The following EPHA6 variants were observed in gnomAD, a reference collection of about 807,000 sequenced individuals.
The protein encoded by EPHA6 is EPH receptor A6.
In EPHA6, 50 loss-of-function variants were observed where a neutral mutation model predicts 112.0. The ratio of observed to expected loss-of-function variants is 0.45; its 90% CI spans 0.36 to 0.56. The LOEUF (loss-of-function observed/expected upper bound fraction) is 0.56. Ranked by LOEUF, EPHA6 falls within the 20% of genes least tolerant of loss-of-function variation. The pLI, the probability that EPHA6 is intolerant of heterozygous loss-of-function variation, is 0.00. For missense variants in EPHA6, 1,280 were observed against 1,417.4 expected (o/e 0.90, Z 1.56); for synonymous variants, 529 against 490.7 (o/e 1.08, Z -1.03).
At chr3:96,837,621 A>G (rs1405508408) in intron 1 of EPHA6, among the ~76,000 whole-genome samples, 6 of 152,080 alleles carry the variant, frequency 3.9e-5, no homozygotes, top group Non-Finnish European at 1.5e-5. Flanking sequence ...ATAATATCTT[A>G]CTTTTGGACC....
At chr3:97,334,295 C>T (rs1407467123) in intron 5 of EPHA6, among the ~76,000 whole-genome samples, 1 of 151,290 alleles carries the variant, frequency 6.6e-6, no homozygotes, top group Non-Finnish European at 1.5e-5. Context: ...TAATGCTGAC[C>T]TCAATAAATG....
chr3:97,059,779 A>G (rs908776001), intron 3 of EPHA6, among the ~76,000 whole-genome samples: 2 of 151,618 alleles, frequency 1.3e-5, no homozygotes, highest in Non-Finnish European at 2.9e-5. Flanking sequence ...TAATTATTCA[A>G]ATGTATTTCT....
intron 7 of EPHA6, among the ~76,000 whole-genome samples, chr3:97,453,677 T>A (rs1661802784): frequency 6.6e-6 from 1 of 151,768 alleles, no homozygotes; most frequent in Non-Finnish European, 1.5e-5. Context: ...AAAAGTGGTA[T>A]GTAGATACAA....
At chr3:97,013,840 G>C (rs1430704273) in intron 3 of EPHA6, among the ~76,000 whole-genome samples, 1 of 152,072 alleles carries the variant, frequency 6.6e-6, no homozygotes. Flanking sequence ...TTCAAATTAT[G>C]AAGCATGTTT....
intron 5 of EPHA6, among the ~76,000 whole-genome samples, chr3:97,340,534 A>G (rs990274926): frequency 6.6e-5 from 10 of 152,332 alleles, no homozygotes; most frequent in Admixed American, 4.6e-4. Context: ...AGCCAAGTCC[A>G]AAGCTGAGAA....
intron 6 of EPHA6, among the ~76,000 whole-genome samples, chr3:97,440,676 A>G (rs368425269): frequency 6.6e-6 from 1 of 151,538 alleles, no homozygotes; most frequent in Non-Finnish European, 1.5e-5. Context: ...AGATCCTCAC[A>G]TATCTAAAAC....
At chr3:96,953,503 A>C (rs966438591) in intron 2 of EPHA6, among the ~76,000 whole-genome samples, 2 of 152,216 alleles carry the variant, frequency 1.3e-5, no homozygotes, top group African/African-American at 2.4e-5. Flanking sequence ...AAAGTGTTAA[A>C]GTTTATGGCT....
intron 3 of EPHA6, among the ~76,000 whole-genome samples, chr3:97,197,467 A>G (rs1271980441): frequency 6.6e-6 from 1 of 151,882 alleles, no homozygotes; most frequent in Non-Finnish European, 1.5e-5. Context: ...GAGAAATGTC[A>G]TCTGGGAGCT....
At chr3:97,135,877 C>A (rs576517304) in intron 3 of EPHA6, among the ~76,000 whole-genome samples, 3 of 151,960 alleles carry the variant, frequency 2.0e-5, no homozygotes, top group African/African-American at 4.8e-5. Context: ...CACACACACA[C>A]GCACCAGCAA....
In EPHA6 at chr3:97,532,438, G is replaced by C; in HGVS notation, c.2281G>C (p.Gly761Arg). 6.2e-7 allele frequency: 1 copy of C among 1,612,654 alleles called. No homozygotes were observed. The highest frequency in any genetic ancestry group is 1.1e-5 in the South Asian group (1 of 91,032). ...EIPVAIKTLKGGHMDRQRRDF... is the reference protein window; with the variant it reads ...EIPVAIKTLKRGHMDRQRRDF... ...CCCAGTTGCCATTAAAACTTTGAAAGGTGGCCACATGGATCGGCAAAGAAG... is the reference window on the plus strand; with the variant it reads ...CCCAGTTGCCATTAAAACTTTGAAACGTGGCCACATGGATCGGCAAAGAAG... Residue 761 changes from glycine to arginine, a missense_variant, in exon 11 of 18, where the codon GGT becomes CGT. Around this residue, in one of 4 missense-constraint regions of EPHA6, gnomAD observed 878 missense variants for 999.7 expected, o/e 0.88. Transcript: ENST00000389672.
rs556632499 is a variant in EPHA6 at position 97,569,868 on chromosome 3, G to A, written c.2387-22744G>A. 2.6e-5 allele frequency: 4 copies of A among 152,204 alleles called. No individual in the cohort carries two copies. In the East Asian group the frequency reaches 7.7e-4, roughly 29 times the overall value. The allele number at this position is 152,204 out of a possible 1,614,324, so 9.4% of individuals were successfully genotyped here. On this transcript the variant is annotated intron_variant, in intron 11 of 17. Transcript: ENST00000389672. ...GTGCTTTTTTTCCTGGTTCATGTTGGTCAAATGCCTGCTGCAGTCAGTTTT... is the reference window on the plus strand; with the variant it reads ...GTGCTTTTTTTCCTGGTTCATGTTGATCAAATGCCTGCTGCAGTCAGTTTT...
At chr3:97,631,173 A>G (rs975375820) in intron 13 of EPHA6, among the ~76,000 whole-genome samples, 2 of 152,050 alleles carry the variant, frequency 1.3e-5, no homozygotes, top group Non-Finnish European at 2.9e-5. Flanking sequence ...GAGGCAGATA[A>G]TATGGGTGAG....
intron 1 of EPHA6, among the ~76,000 whole-genome samples, chr3:96,828,604 C>T (rs903947896): frequency 2.6e-5 from 4 of 152,060 alleles, no homozygotes; most frequent in Non-Finnish European, 4.4e-5. Flanking sequence ...AAATAAACCC[C>T]GGAATCAGAT....
chr3:97,736,447 TAGAGAGAG>T (rs3064321), intron 16 of EPHA6, among the ~76,000 whole-genome samples: 256 of 131,326 alleles, frequency 1.9e-3, no homozygotes, highest in Admixed American at 3.7e-3. Flanking sequence ...CCTTTAGAAG[TAGAGAGAG>T]AGAGAGAGAG....
chr3:97,025,278 G>A (rs544833304), intron 3 of EPHA6, among the ~76,000 whole-genome samples: 484 of 152,224 alleles, frequency 3.2e-3, no homozygotes, highest in Admixed American at 5.7e-3. Context: ...AACTATTAGG[G>A]AAGAGTGAGA....
chr3:97,627,395 A>G (rs1427648022), intron 13 of EPHA6, among the ~76,000 whole-genome samples: 1 of 151,888 alleles, frequency 6.6e-6, no homozygotes, highest in African/African-American at 2.4e-5. Flanking sequence ...ATTGAGTGGC[A>G]GAGAAGGTCT....
chr3:97,062,796 A>G (rs2046063159), intron 3 of EPHA6, among the ~76,000 whole-genome samples: 1 of 152,166 alleles, frequency 6.6e-6, no homozygotes, highest in African/African-American at 2.4e-5. Flanking sequence ...CCCCAGCCAC[A>G]TGGAACTGTG....
intron 14 of EPHA6, among the ~76,000 whole-genome samples, chr3:97,705,631 T>C (rs2033637480): frequency 1.3e-5 from 2 of 151,814 alleles, no homozygotes; most frequent in African/African-American, 4.8e-5. Context: ...AAGAACTGAG[T>C]GAAAGAAAAC....
chr3:97,583,699 T>C (rs1453418587), intron 11 of EPHA6, among the ~76,000 whole-genome samples: 5 of 152,238 alleles, frequency 3.3e-5, no homozygotes, highest in African/African-American at 1.2e-4. Context: ...ATTATTCAGA[T>C]GTCACTTCTT....
Sources: gnomAD v4.1 joint callset for allele counts (sites outside exome capture counted in the v4.1 genomes callset) on GRCh38, gnomAD v4.1.1 for gene constraint, gnomAD v4.1.1 regional missense constraint, MANE v1.5 for transcripts, NCBI Gene and HGNC (gene_info 2026-07-23, HGNC 2026-07-21) for gene names.